ZFHX3: variants seen among roughly 807,000 people sequenced by gnomAD.
ZFHX3 encodes zinc finger homeobox protein 3.
In ZFHX3, 42 loss-of-function variants were observed where a neutral mutation model predicts 279.1. The ratio of observed to expected loss-of-function variants is 0.15; its 90% confidence interval spans 0.12 to 0.19. The LOEUF (loss-of-function observed/expected upper bound fraction) is 0.19, where lower values mean the gene tolerates loss of function less well. ZFHX3 is among the 10% of genes least tolerant of loss of function. The probability of loss-of-function intolerance (pLI) is 1.00; values close to 1 mark genes in which losing one functional copy is unlikely to be tolerated. For synonymous variants in ZFHX3, 2,293 were observed against 1,957.8 expected (o/e 1.17, Z -4.52); for missense variants, 4,981 against 4,754.0 (o/e 1.05, Z -1.40).
chr16:73,417,256 T>G (rs1487772475), intron 3 of ZFHX3, among the ~76,000 whole-genome samples: 2 of 152,018 alleles, frequency 1.3e-5, no homozygotes, highest in African/African-American at 2.4e-5. Context: ...GAAACACAGC[T>G]AAAAGCTGTC....
At chr16:73,668,289 G>T (rs1189527316) in intron 2 of ZFHX3, among the ~76,000 whole-genome samples, 2 of 151,974 alleles carry the variant, frequency 1.3e-5, no homozygotes, top group Non-Finnish European at 2.9e-5. Flanking sequence ...ACCTCAAGCT[G>T]CTGATCTTTG....
chr16:73,545,182 A>G (rs1568142), intron 2 of ZFHX3, among the ~76,000 whole-genome samples: 66,135 of 151,936 alleles, frequency 0.44, 17,550 homozygotes, highest in African/African-American at 0.75. Flanking sequence ...TAAGCGTGGG[A>G]GGCAATCTCA....
chr16:73,604,389 T>G (rs1273877070), intron 2 of ZFHX3, among the ~76,000 whole-genome samples: 1 of 152,100 alleles, frequency 6.6e-6, no homozygotes, highest in Non-Finnish European at 1.5e-5. Context: ...ATTTCAAATC[T>G]AATCCACTGG....
At chr16:73,463,111 C>A (rs988190818) in intron 2 of ZFHX3, among the ~76,000 whole-genome samples, 2 of 152,188 alleles carry the variant, frequency 1.3e-5, no homozygotes, top group Non-Finnish European at 2.9e-5. Flanking sequence ...TAATAAATTT[C>A]TTAGTCCATA....
chr16:73,193,100 T>A (rs1968077049), intron 5 of ZFHX3, among the ~76,000 whole-genome samples: 1 of 152,092 alleles, frequency 6.6e-6, no homozygotes, highest in Non-Finnish European at 1.5e-5. Flanking sequence ...GCAGGAAAGG[T>A]GGATGCACGT....
chr16:73,400,656 C>T (rs916254157), intron 3 of ZFHX3: 1 of 152,124 alleles, frequency 6.6e-6, no homozygotes, highest in Non-Finnish European at 1.5e-5. Context: ...TCTAAGAAAC[C>T]CGTAAGGAGC....
At chr16:72,898,787 T>C (rs553529105) in intron 3 of ZFHX3, among the ~76,000 whole-genome samples, 2 of 147,302 alleles carry the variant, frequency 1.4e-5, no homozygotes, top group South Asian at 4.3e-4. Flanking sequence ...GCTTCGCCCA[T>C]AGTAAATGCT....
intron 1 of ZFHX3, among the ~76,000 whole-genome samples, chr16:73,805,733 AT>A (rs1251710627): frequency 1.3e-5 from 2 of 152,218 alleles, no homozygotes; most frequent in African/African-American, 2.4e-5. Context: ...TAGAGCTTGT[AT>A]TCTAGTCAGG....
rs3050427 is a variant in ZFHX3, at chr16:73,766,933, C to CT, written c.-1607-86694dup. On this transcript the variant is annotated intron_variant, in intron 1 of 17. Coordinates refer to the ZFHX3 transcript ENST00000641206. Reference sequence around the variant, plus strand: ...AAGGTAATTGTGGGTTTTGCCATTACTTTTTTTTTTTTTTTTTTCCGAGAT... The same window carrying CT: ...AAGGTAATTGTGGGTTTTGCCATTACTTTTTTTTTTTTTTTTTTTCCGAGAT... Among the ~76,000 whole-genome samples the CT allele has an allele frequency of 2.7e-3, 348 of 129,232 alleles. 1 individual carries two copies. The highest frequency in any genetic ancestry group is 4.1e-3 in the Middle Eastern group (1 of 246). 84.8% of individuals were successfully genotyped at this position (129,232 alleles called of 152,430 possible). A position where few individuals can be genotyped will look rare whatever the true frequency, so the allele number is the denominator to read the frequency against.
In ZFHX3 at chr16:72,787,812, G is replaced by A. The variant is rs751755124; in HGVS notation, c.10464C>T (p.Cys3488=). Residue 3488 remains cysteine, a synonymous_variant, in exon 10 of 10, where the codon TGC becomes TGT. Transcript: ENST00000268489. ...GGTTCACCACAGACTGGCCGAAGAA[G>A]CAGAGGGACTTCAGGTGGCTCCTCG... The part of the protein sequence containing the change: ...EAARSHLKSL[C]FFGQSVVNLQ... 3.1e-6 allele frequency: 5 copies of A among 1,613,676 alleles called. No individual in the cohort carries two copies. The South Asian group carries it at 3.3e-5, about 11-fold the overall frequency.
intron 2 of ZFHX3, among the ~76,000 whole-genome samples, chr16:73,572,008 T>C (rs1470785988): frequency 1.3e-5 from 2 of 151,966 alleles, no homozygotes; most frequent in South Asian, 4.1e-4. Context: ...ATGCCAGAAG[T>C]CAAAATGCTT....
At chr16:73,725,221 A>G (rs116683445) in intron 1 of ZFHX3, among the ~76,000 whole-genome samples, 2,269 of 152,322 alleles carry the variant, frequency 0.015, 59 homozygotes, top group African/African-American at 0.052. Flanking sequence ...AAGATTTTTA[A>G]AAAGGCTTTT....
chr16:73,089,577 T>TA (rs1014361420), intron 8 of ZFHX3, among the ~76,000 whole-genome samples: 1 of 152,218 alleles, frequency 6.6e-6, no homozygotes, highest in African/African-American at 2.4e-5. Context: ...ATGGATGCAG[T>TA]GACCACACTA....
rs71156167 is a variant in ZFHX3, at chr16:73,448,685, CGT to C, written c.-1291+7316_-1291+7317del. ...AAAGGGGAAGGTGTATATTTATATA[CGT>C]GTGTGTGTGTGTGTGTGTGTGTGTG... On this transcript the variant is annotated intron_variant, in intron 3 of 17. Transcript: ENST00000641206. Among the ~76,000 whole-genome samples, 1,214 of 142,094 alleles carry C rather than the reference CGT, an allele frequency of 8.5e-3. 9 individuals are homozygous for C. The highest frequency in any genetic ancestry group is 0.016 in the African/African-American group (615 of 38,252). 93.2% of individuals were successfully genotyped at this position (142,094 alleles called of 152,430 possible). A position where few individuals can be genotyped will look rare whatever the true frequency, so the allele number is the denominator to read the frequency against.
At chr16:73,595,966 C>T (rs1271775103) in intron 2 of ZFHX3, among the ~76,000 whole-genome samples, 7 of 149,142 alleles carry the variant, frequency 4.7e-5, no homozygotes, top group Admixed American at 6.7e-5. Flanking sequence ...TTCTCTCTCC[C>T]GACCATTACT....
intron 5 of ZFHX3, among the ~76,000 whole-genome samples, chr16:73,209,096 A>G (rs1861932867): frequency 6.6e-6 from 1 of 152,224 alleles, no homozygotes; most frequent in Non-Finnish European, 1.5e-5. Flanking sequence ...CTCAAAGCCA[A>G]GGCCAAACAA....
At chr16:73,257,584 G>C (rs1267270769) in intron 4 of ZFHX3, among the ~76,000 whole-genome samples, 2 of 152,192 alleles carry the variant, frequency 1.3e-5, no homozygotes, top group Non-Finnish European at 2.9e-5. Context: ...TATGATTTCA[G>C]AGTTTGTATT....
At chr16:73,365,085 A>G (rs2016507713) in intron 3 of ZFHX3, among the ~76,000 whole-genome samples, 1 of 152,202 alleles carries the variant, frequency 6.6e-6, no homozygotes, top group African/African-American at 2.4e-5. Flanking sequence ...ATGTTTGTGA[A>G]GTGCCACATG....
intron 4 of ZFHX3, among the ~76,000 whole-genome samples, chr16:72,854,853 C>A (rs900615629): frequency 1.3e-4 from 18 of 139,110 alleles, no homozygotes; most frequent in Non-Finnish European, 2.6e-4. Flanking sequence ...TGCGCACTCC[C>A]AATGCGGCTG....
Sources: allele counts gnomAD v4.1 joint callset (sites outside exome capture counted in the v4.1 genomes callset), GRCh38; gene constraint gnomAD v4.1.1; transcripts MANE v1.5; gene names NCBI Gene and HGNC (gene_info 2026-07-23, HGNC 2026-07-21).